The following CRTAC1 variants were observed in gnomAD, a reference collection of about 807,000 sequenced individuals.
CRTAC1 encodes the protein cartilage acidic protein 1, also known as acidic secreted protein in cartilage.
Under a neutral mutation model 67.8 loss-of-function variants are expected in CRTAC1, and 37 were observed. The ratio of observed to expected loss-of-function variants is 0.55; its 90% CI spans 0.42 to 0.72. The LOEUF (loss-of-function observed/expected upper bound fraction) is 0.72. Ranked by LOEUF, CRTAC1 falls within the 30% of genes least tolerant of loss-of-function variation. The pLI is 0.00. For missense variants in CRTAC1, 780 were observed against 931.6 expected, an observed-to-expected ratio of 0.84 and a Z score of 2.12; for synonymous variants, 348 against 371.0, an observed-to-expected ratio of 0.94 and a Z score of 0.71.
chr10:97,880,569 G>A (rs1433226561), intron 13 of CRTAC1, among the ~76,000 whole-genome samples, 177 bp from the exon 14 acceptor site: 2 of 152,076 alleles, frequency 1.3e-5, no homozygotes, highest in Admixed American at 6.5e-5. Flanking sequence ...CATGCTGGGG[G>A]CAGGGGGTGG....
chr10:97,929,809 C>T (rs1404576401), intron 3 of CRTAC1, among the ~76,000 whole-genome samples: 3 of 152,216 alleles, frequency 2.0e-5, no homozygotes, highest in Non-Finnish European at 4.4e-5. Flanking sequence ...AATCACAGCA[C>T]ATGACCACAG....
intron 2 of CRTAC1, among the ~76,000 whole-genome samples, chr10:97,985,914 C>T (rs769769754): frequency 3.9e-5 from 6 of 152,134 alleles, no homozygotes; most frequent in African/African-American, 1.2e-4. Flanking sequence ...CCTCAGTGTC[C>T]CTGGCCAGCA....
At chr10:97,950,244 CACAGAGAGAGAGAG>C (rs1243519447) in intron 2 of CRTAC1, among the ~76,000 whole-genome samples, 1 of 112,186 alleles carries the variant, frequency 8.9e-6, no homozygotes, top group Admixed American at 8.8e-5. Flanking sequence ...CACACACACA[CACAGAGAGAGAGAG>C]AGAGAGAGAG....
chr10:97,947,085 G>A (rs1471324325), intron 2 of CRTAC1, among the ~76,000 whole-genome samples: 1 of 152,224 alleles, frequency 6.6e-6, no homozygotes, highest in Admixed American at 6.5e-5. Context: ...CTCTCTTTCA[G>A]TTGAGGAGGT....
At chr10:97,901,975 G>T (rs941284894) in intron 7 of CRTAC1, among the ~76,000 whole-genome samples, 1 of 152,180 alleles carries the variant, frequency 6.6e-6, no homozygotes, top group Non-Finnish European at 1.5e-5. Context: ...AGGTAACTGA[G>T]TCCTGGAGAA....
chr10:97,984,627 C>T (rs1256954088), intron 2 of CRTAC1, among the ~76,000 whole-genome samples: 2 of 152,192 alleles, frequency 1.3e-5, no homozygotes, highest in East Asian at 1.9e-4. Flanking sequence ...GGAAACAAGG[C>T]TCCCAAGGTC....
At chr10:97,950,272 G>GAGAGAGAGAGAT (rs1564908758) in intron 2 of CRTAC1, among the ~76,000 whole-genome samples, 7 of 151,790 alleles carry the variant, frequency 4.6e-5, no homozygotes, top group Middle Eastern at 3.4e-3. Context: ...GAGAGAGAGA[G>GAGAGAGAGAGAT]AGAGAGAGAG....
At chr10:98,018,074 C>T (rs751333886) in intron 1 of CRTAC1, among the ~76,000 whole-genome samples, 5 of 151,190 alleles carry the variant, frequency 3.3e-5, no homozygotes, top group Non-Finnish European at 7.4e-5. Flanking sequence ...TAAGGGGCAC[C>T]GCCTGTAATC....
chr10:97,916,726 T>C (rs1426469029), intron 5 of CRTAC1, among the ~76,000 whole-genome samples: 2 of 152,224 alleles, frequency 1.3e-5, no homozygotes, highest in South Asian at 2.1e-4. Context: ...CTGGTATGAA[T>C]GTGGCTTAAG....
intron 14 of CRTAC1, among the ~76,000 whole-genome samples, chr10:97,873,873 T>C (rs2050118234): frequency 6.6e-6 from 1 of 152,212 alleles, no homozygotes. Context: ...AACAGGCTCC[T>C]CTCTGCACTC....
intron 4 of CRTAC1, among the ~76,000 whole-genome samples, chr10:97,921,530 T>C (rs764722709): frequency 1.3e-5 from 2 of 152,192 alleles, no homozygotes; most frequent in African/African-American, 2.4e-5. Context: ...ATCTACCTCA[T>C]TGGTGTCTTA....
chr10:97,962,293 G>T (rs1482982487), intron 2 of CRTAC1, among the ~76,000 whole-genome samples: 1 of 143,272 alleles, frequency 7.0e-6, no homozygotes, highest in Non-Finnish European at 1.5e-5. Flanking sequence ...CTACCTCGAA[G>T]TTTCTGATCC....
intron 2 of CRTAC1, among the ~76,000 whole-genome samples, chr10:97,996,899 C>T (rs1842584074): frequency 6.6e-6 from 1 of 152,012 alleles, no homozygotes; most frequent in South Asian, 2.1e-4. Flanking sequence ...GAATACTATG[C>T]AGCCAGAAAA....
rs748893017 is a variant in CRTAC1, at chr10:97,917,573, C to T, written c.642G>A (p.Glu214=). ...GAATGCCCCGGGAGAGGTCACTGGC[C>T]TCAGGGTCCATTTCAATGAGGGCAT... ...GPDALIEMDP[E]ASDLSRGILA... The change falls in exon 5 of 15, where the codon GAG becomes GAA. Residue 214 remains glutamate (E), a synonymous_variant. Transcript: ENST00000370597. The T allele has an allele frequency of 1.2e-6, 2 of 1,603,944 alleles. No individual in the cohort carries two copies. Among genetic ancestry groups the T allele is most frequent in the Non-Finnish European group, 8.5e-7 (1 of 1,174,518 alleles).
intron 4 of CRTAC1, among the ~76,000 whole-genome samples, chr10:97,918,684 T>C (rs2050793304): frequency 6.6e-6 from 1 of 152,222 alleles, no homozygotes; most frequent in East Asian, 1.9e-4. Context: ...ACAAGACTGG[T>C]GGTCCTCTTT....
chr10:97,958,213 G>A (rs781302527), intron 2 of CRTAC1, among the ~76,000 whole-genome samples: 10 of 152,190 alleles, frequency 6.6e-5, no homozygotes, highest in Admixed American at 2.0e-4. Flanking sequence ...GGCTCCTTAG[G>A]TGAAGGAAGC....
intron 2 of CRTAC1, among the ~76,000 whole-genome samples, chr10:97,960,781 T>G (rs2051512986): frequency 1.3e-5 from 2 of 152,230 alleles, no homozygotes; most frequent in South Asian, 4.1e-4. Context: ...TGTTAACTGC[T>G]TCGCTAAAAC....
intron 3 of CRTAC1, among the ~76,000 whole-genome samples, chr10:97,929,666 T>C (rs1232293440): frequency 6.6e-6 from 1 of 152,208 alleles, no homozygotes; most frequent in Non-Finnish European, 1.5e-5. Flanking sequence ...GGAATGAGAA[T>C]GGCCACCTAT....
intron 1 of CRTAC1, among the ~76,000 whole-genome samples, chr10:98,027,139 C>G (rs1451173195): frequency 6.6e-6 from 1 of 151,008 alleles, no homozygotes; most frequent in Non-Finnish European, 1.5e-5. Context: ...TGCACTCCAG[C>G]CTGGGCGACA....
Sources: gnomAD v4.1 joint callset for allele counts (sites outside exome capture counted in the v4.1 genomes callset) on GRCh38, gnomAD v4.1.1 for gene constraint, MANE v1.5 for transcripts, NCBI Gene and HGNC (gene_info 2026-07-23, HGNC 2026-07-21) for gene names.